GALNT9: variants seen among roughly 807,000 people sequenced by gnomAD.
The protein encoded by GALNT9 is polypeptide N-acetylgalactosaminyltransferase 9, also known as GalNAc transferase 9.
GALNT9 carries 47 observed loss-of-function variants against 63.1 expected under a neutral mutation model. The ratio of observed to expected loss-of-function variants is 0.75; its 90% confidence interval spans 0.59 to 0.95. The LOEUF is 0.95. GALNT9 is among the 40% of genes least tolerant of loss of function. The pLI is 0.00. For synonymous variants in GALNT9, 396 were observed against 365.7 expected (o/e 1.08, Z -0.94); for missense variants, 829 against 874.8 (o/e 0.95, Z 0.66).
At chr12:132,268,021 A>G in intron 2 of GALNT9, among the ~76,000 whole-genome samples, 1 of 151,084 alleles carries the variant, frequency 6.6e-6, no homozygotes, top group South Asian at 2.1e-4. Context: ...ATACACACGA[A>G]CACACATGAA....
intron 6 of GALNT9, chr12:132,205,967 C>T (rs1876667697): frequency 6.6e-6 from 1 of 152,332 alleles, no homozygotes; most frequent in South Asian, 2.1e-4. Flanking sequence ...ACGAAGGAAG[C>T]TCTGCAGGGG....
intron 2 of GALNT9, chr12:132,283,944 T>G (rs1222872887): frequency 1.3e-5 from 2 of 152,140 alleles, no homozygotes; most frequent in African/African-American, 4.8e-5. Flanking sequence ...GGGGTCTTCC[T>G]GCCACACAGC....
Position 132,279,405 on chromosome 12 carries a change from G to C in GALNT9, c.419+6845C>G, listed in dbSNP as rs1880242762. The C allele has an allele frequency of 6.6e-6, 1 of 152,408 alleles. No individual in the cohort carries two copies. The highest frequency in any genetic ancestry group is 1.5e-5 in the Non-Finnish European group (1 of 68,230). The allele number at this position is 152,408 out of a possible 1,614,324, so 9.4% of individuals were successfully genotyped here. The stretch of plus-strand genomic sequence containing the variant: ...GTCAGACTTGGAGCGTGAGGACAGA[G>C]CTGGGCCGGTTCCTCCCTGGGATCT... On this transcript the variant is annotated intron_variant, in intron 2 of 10. Transcript: ENST00000328957. The surrounding 1 kb of genome is among the most constrained non-coding windows in gnomAD (Gnocchi z 4.1).
In GALNT9 at chr12:132,281,129, C is replaced by T. The variant is rs527932229; in HGVS notation, c.419+5121G>A. Among the ~76,000 whole-genome samples the T allele has an allele frequency of 3.3e-5, 5 of 152,370 alleles. No homozygotes were observed. The South Asian group carries it at 8.3e-4, about 25-fold the overall frequency. ...CCCAGCCACACTCGCTGAGCCGCGC[C>T]GGGATAGGGTCTCTCCACCCAAGCT... On this transcript the variant is annotated intron_variant, in intron 2 of 10. Coordinates refer to ENST00000328957, the MANE Select transcript of GALNT9 (RefSeq NM_001122636.2).
At chr12:132,216,676 G>T (rs1443281275) in intron 6 of GALNT9, among the ~76,000 whole-genome samples, 5 of 152,208 alleles carry the variant, frequency 3.3e-5, no homozygotes, top group African/African-American at 1.2e-4. Context: ...CCAGCATCTG[G>T]GGGGATGAGC....
At chr12:132,313,874 C>A (rs146366222) in intron 1 of GALNT9, among the ~76,000 whole-genome samples, 2 of 133,712 alleles carry the variant, frequency 1.5e-5, no homozygotes, top group African/African-American at 5.8e-5. Context: ...ACCCACCCAT[C>A]CATCCGTACA....
At position 132,262,539 on chromosome 12, in the gene GALNT9, C is replaced by T. The variant is rs782268070; in HGVS notation, c.506G>A (p.Arg169His). 62 of 1,551,332 alleles carry T rather than the reference C, an allele frequency of 4.0e-5. No homozygotes were observed. Among genetic ancestry groups the T allele is most frequent in the Admixed American group, 5.9e-5 (3 of 50,970 alleles). The change falls in exon 3 of 11, where the codon CGC becomes CAC. Residue 169 changes from arginine (R) to histidine (H), a missense_variant. By Grantham distance (29) the Arg-to-His change is conservative. Transcript: ENST00000328957. The part of the protein sequence containing the change: ...FVNEALSVIL[R>H]SVHSVVNHTP... ...GTGGTTGACCACGCTGTGCACGGAGCGCAGGATGACCGACAGCGCCTCATT... is the reference window on the plus strand; with the variant it reads ...GTGGTTGACCACGCTGTGCACGGAGTGCAGGATGACCGACAGCGCCTCATT...
intron 10 of GALNT9, among the ~76,000 whole-genome samples, 173 bp downstream of exon 10, chr12:132,197,619 T>C (rs1054576593): frequency 2.0e-5 from 3 of 152,146 alleles, no homozygotes; most frequent in South Asian, 2.1e-4. Flanking sequence ...CTGCCCTCTC[T>C]GTGAGCGTCG....
chr12:132,257,852 G>T lies in GALNT9; in HGVS notation c.796C>A (p.Arg266=). The T allele has an allele frequency of 1.3e-6, 2 of 1,548,426 alleles. No homozygotes were observed. The highest frequency in any genetic ancestry group is 1.7e-6 in the Non-Finnish European group (2 of 1,146,474). ...EPALSRIRED[R]RRIVLPAIDN... The stretch of plus-strand genomic sequence containing the variant: ...ATGGCTGGCAGCACGATGCGACGCC[G>T]GTCCTCTCGGATCCGCGACAGTGCG... Residue 266 remains arginine, a synonymous_variant, in exon 5 of 11, where the codon CGG becomes AGG. Transcript: ENST00000328957.
At position 132,282,193 on chromosome 12, in the gene GALNT9, T is replaced by A. The variant is rs55633627; in HGVS notation, c.419+4057A>T. Among the ~76,000 whole-genome samples, 16 of 104,326 alleles carry A rather than the reference T, an allele frequency of 1.5e-4. 1 individual carries two copies. The highest frequency in any genetic ancestry group is 6.9e-4 in the African/African-American group (12 of 17,296). 68.4% of individuals were successfully genotyped at this position (104,326 alleles called of 152,430 possible). On this transcript the variant is annotated intron_variant, in intron 2 of 10. Transcript: ENST00000328957. This position sits in a 1 kb window ranked among gnomAD's most constrained non-coding sequence, Gnocchi z 4.5. ...CAGCAAGCCCAGGCCTGGGGGTCCC[T>A]GATCCCACAGAAGAGGAATCAGCTC...
At chr12:132,257,358 G>A (rs1879158872) in intron 5 of GALNT9, among the ~76,000 whole-genome samples, 1 of 151,910 alleles carries the variant, frequency 6.6e-6, no homozygotes, top group East Asian at 1.9e-4. Context: ...AGGGGCCCCA[G>A]CACCCGGCCC....
chr12:132,239,444 A>G (rs1878142433), intron 6 of GALNT9, among the ~76,000 whole-genome samples: 1 of 152,002 alleles, frequency 6.6e-6, no homozygotes, highest in African/African-American at 2.4e-5. Context: ...ACAGAGTCAG[A>G]GACAGAGAGG....
At chr12:132,205,213 C>T (rs572359083) in intron 6 of GALNT9, 6 of 152,370 alleles carry the variant, frequency 3.9e-5, no homozygotes, top group South Asian at 2.1e-4. Flanking sequence ...CTGCATCCTC[C>T]GGGGGTCGCC....
At chr12:132,304,241 T>A (rs1210694335) in intron 1 of GALNT9, among the ~76,000 whole-genome samples, 1 of 46,504 alleles carries the variant, frequency 2.2e-5, no homozygotes, top group Non-Finnish European at 3.9e-5. Flanking sequence ...GGGCACACCC[T>A]CACCCAGACA....
Position 132,252,092 on chromosome 12 carries a change from G to T in GALNT9, c.960-4065C>A, listed in dbSNP as rs782072200. Among the ~76,000 whole-genome samples the T allele has an allele frequency of 1.8e-4, 27 of 152,354 alleles. No homozygotes were observed. The highest frequency in any genetic ancestry group is 3.3e-4 in the Admixed American group (5 of 15,304). On this transcript the variant is annotated intron_variant, in intron 5 of 10. Transcript: ENST00000328957. This position sits in a 1 kb window ranked among gnomAD's most constrained non-coding sequence, Gnocchi z 5.2. ...GCGTCTGTCTGGGAGAAAGGAGCAG[G>T]GGAGCAGGAAGAGGACTAGAACAGG... is the stretch of plus-strand genomic sequence containing the variant.
At chr12:132,206,739 G>A (rs537387830) in intron 6 of GALNT9, among the ~76,000 whole-genome samples, 13 of 152,080 alleles carry the variant, frequency 8.5e-5, no homozygotes, top group South Asian at 2.1e-4. Context: ...TGACCCAGCC[G>A]GCAACTGGGA....
chr12:132,228,337 G>A (rs1877774022), intron 6 of GALNT9, among the ~76,000 whole-genome samples: 4 of 148,476 alleles, frequency 2.7e-5, no homozygotes, highest in African/African-American at 5.0e-5. Context: ...TGGCGGGGCG[G>A]CCCGTCAGCA....
chr12:132,297,617 C>G (rs1471814618), intron 1 of GALNT9, among the ~76,000 whole-genome samples: 1 of 151,914 alleles, frequency 6.6e-6, no homozygotes, highest in Non-Finnish European at 1.5e-5. Flanking sequence ...ATAACCAGCT[C>G]ACTTCTGAGA....
At chr12:132,254,503 C>G (rs1188200650) in intron 5 of GALNT9, among the ~76,000 whole-genome samples, 2 of 152,172 alleles carry the variant, frequency 1.3e-5, no homozygotes, top group Non-Finnish European at 2.9e-5. Flanking sequence ...ATGTCTCTGA[C>G]TCTGATCCTC....
Sources: allele counts gnomAD v4.1 joint callset (sites outside exome capture counted in the v4.1 genomes callset), GRCh38; gene constraint gnomAD v4.1.1; non-coding constraint Gnocchi (gnomAD v3.1); transcripts MANE v1.5; gene names NCBI Gene and HGNC (gene_info 2026-07-23, HGNC 2026-07-21).